SUPT3H: variants seen among roughly 807,000 people sequenced by gnomAD.
SUPT3H encodes the protein transcription initiation protein SPT3 homolog.
SUPT3H carries 44 observed loss-of-function variants against 44.3 expected under a neutral mutation model. The ratio of observed to expected loss-of-function variants is 0.99; its 90% CI spans 0.78 to 1.28. The LOEUF (loss-of-function observed/expected upper bound fraction) is 1.28, where lower values mean the gene tolerates loss of function less well. Ranked by LOEUF, SUPT3H falls within the 50% of genes most tolerant of loss-of-function variation. The pLI is 0.00. For missense variants in SUPT3H, 380 were observed against 387.1 expected (o/e 0.98, Z 0.15); for synonymous variants, 124 against 125.6 (o/e 0.99, Z 0.09).
chr6:45,285,221 T>C (rs200503930), intron 2 of SUPT3H, among the ~76,000 whole-genome samples: 2 of 151,330 alleles, frequency 1.3e-5, no homozygotes, highest in East Asian at 1.9e-4. Context: ...CTATTCAACA[T>C]AGTGTTGGAA....
chr6:45,073,427 C>CT (rs1562399902), intron 3 of SUPT3H, among the ~76,000 whole-genome samples: 1 of 151,806 alleles, frequency 6.6e-6, no homozygotes, highest in Non-Finnish European at 1.5e-5. Context: ...CAAAAAAAAG[C>CT]TTAATAAAGA....
At chr6:44,845,922 C>T (rs898535992) in intron 10 of SUPT3H, among the ~76,000 whole-genome samples, 2 of 152,218 alleles carry the variant, frequency 1.3e-5, no homozygotes, top group Non-Finnish European at 2.9e-5. Flanking sequence ...GCCCTCTGTC[C>T]TTGCGATAAG....
At chr6:44,865,085 T>C (rs1775298087) in intron 10 of SUPT3H, among the ~76,000 whole-genome samples, 1 of 152,170 alleles carries the variant, frequency 6.6e-6, no homozygotes, top group Non-Finnish European at 1.5e-5. Context: ...GTTCCACAAG[T>C]CTCTAGGGCA....
At chr6:45,274,202 T>C (rs1490206569) in intron 2 of SUPT3H, among the ~76,000 whole-genome samples, 2 of 152,252 alleles carry the variant, frequency 1.3e-5, no homozygotes, top group Non-Finnish European at 2.9e-5. Flanking sequence ...AACTTACAAA[T>C]TTGTGATTTT....
chr6:45,288,729 T>C (rs920244566), intron 2 of SUPT3H, among the ~76,000 whole-genome samples: 5 of 150,936 alleles, frequency 3.3e-5, no homozygotes, highest in African/African-American at 1.2e-4. Flanking sequence ...TACTTTAATA[T>C]ATTCTAAATA....
At chr6:44,857,009 A>G (rs566701841) in intron 10 of SUPT3H, among the ~76,000 whole-genome samples, 1 of 152,306 alleles carries the variant, frequency 6.6e-6, no homozygotes, top group East Asian at 1.9e-4. Context: ...ATTTCAATTC[A>G]ATCAATTTTC....
chr6:45,117,965 A>G (rs1012413269), intron 2 of SUPT3H, among the ~76,000 whole-genome samples: 18 of 152,086 alleles, frequency 1.2e-4, no homozygotes, highest in Admixed American at 1.1e-3. Context: ...CCCAGAAGAA[A>G]TGTGTTTTCA....
intron 2 of SUPT3H, among the ~76,000 whole-genome samples, chr6:45,125,506 G>A (rs751680458): frequency 2.6e-5 from 4 of 152,128 alleles, no homozygotes; most frequent in African/African-American, 9.7e-5. Context: ...TCCTCTCATA[G>A]AGTATGGATG....
intron 2 of SUPT3H, among the ~76,000 whole-genome samples, chr6:45,256,449 T>A (rs1309582562): frequency 6.6e-6 from 1 of 152,060 alleles, no homozygotes; most frequent in African/African-American, 2.4e-5. Flanking sequence ...ATTAATCTCA[T>A]CGATGAGGGC....
intron 3 of SUPT3H, among the ~76,000 whole-genome samples, chr6:45,047,702 T>C (rs957265369): frequency 3.3e-5 from 5 of 152,132 alleles, no homozygotes; most frequent in Admixed American, 2.0e-4. Context: ...TAATTTATAT[T>C]CCCACCACTA....
chr6:44,905,730 T>C (rs1041116584), intron 10 of SUPT3H, among the ~76,000 whole-genome samples: 3 of 152,220 alleles, frequency 2.0e-5, no homozygotes, highest in Non-Finnish European at 4.4e-5. Context: ...TGTATGTTTA[T>C]TGCGGCACTA....
chr6:44,967,795 T>C (rs1011175987), intron 6 of SUPT3H, among the ~76,000 whole-genome samples: 3 of 152,276 alleles, frequency 2.0e-5, no homozygotes, highest in African/African-American at 7.2e-5. Flanking sequence ...AACATTTTTT[T>C]CATTTCTTTT....
chr6:44,894,609 G>A (rs1006598756), intron 10 of SUPT3H, among the ~76,000 whole-genome samples: 3 of 152,136 alleles, frequency 2.0e-5, no homozygotes, highest in African/African-American at 7.2e-5. Flanking sequence ...GTACCATGCT[G>A]TTTTGGTTAC....
chr6:45,253,363 T>C (rs182628112), intron 2 of SUPT3H, among the ~76,000 whole-genome samples: 2 of 152,284 alleles, frequency 1.3e-5, no homozygotes, highest in Admixed American at 1.3e-4. Context: ...AATGATCTGA[T>C]AACTATCTAA....
intron 2 of SUPT3H, among the ~76,000 whole-genome samples, chr6:45,107,909 G>A (rs1000723098): frequency 2.0e-5 from 3 of 152,038 alleles, no homozygotes; most frequent in African/African-American, 7.2e-5. Flanking sequence ...AGAAGTATAT[G>A]TAGGACAACA....
chr6:44,884,869 A>C (rs1201623304), intron 10 of SUPT3H, among the ~76,000 whole-genome samples: 1 of 152,160 alleles, frequency 6.6e-6, no homozygotes, highest in African/African-American at 2.4e-5. Flanking sequence ...AGTCAAAGAA[A>C]GGGGTGACAG....
intron 2 of SUPT3H, among the ~76,000 whole-genome samples, chr6:45,334,567 G>A (rs182730042): frequency 1.5e-3 from 231 of 150,258 alleles, no homozygotes; most frequent in African/African-American, 5.4e-3. Flanking sequence ...GAATAATAAC[G>A]TGATATTCCA....
Position 45,085,751 on chromosome 6 carries a change from G to A in SUPT3H, c.186+20171C>T, listed in dbSNP as rs1373943343. On this transcript the variant is annotated intron_variant, in intron 3 of 10. Coordinates refer to ENST00000371459, the MANE Select transcript of SUPT3H (RefSeq NM_003599.4). The stretch of plus-strand genomic sequence containing the variant: ...ACAACATGAATGACAACTTCATTTG[G>A]CACTTTATCTCTTGAATGAGATTCA... Among the ~76,000 whole-genome samples the A allele has an allele frequency of 2.0e-5, 3 of 152,002 alleles. No individual in the cohort carries two copies. The East Asian group carries it at 5.8e-4, about 29-fold the overall frequency.
At chr6:45,325,176 T>C (rs1302000176) in intron 2 of SUPT3H, among the ~76,000 whole-genome samples, 6 of 151,904 alleles carry the variant, frequency 3.9e-5, no homozygotes. Context: ...AGTTTAAAAA[T>C]TCCTGCATCA....
Sources: gnomAD v4.1 joint callset for allele counts (sites outside exome capture counted in the v4.1 genomes callset) on GRCh38, gnomAD v4.1.1 for gene constraint, MANE v1.5 for transcripts, NCBI Gene and HGNC (gene_info 2026-07-23, HGNC 2026-07-21) for gene names.